The following CASQ2 variants were observed in gnomAD, a reference collection of about 807,000 sequenced individuals.
CASQ2 encodes the protein calsequestrin 2.
A neutral mutation model predicts 46.5 loss-of-function variants in CASQ2; 49 were observed. The observed-to-expected ratio is 1.05, with a 90% CI of 0.84 to 1.34. The LOEUF (loss-of-function observed/expected upper bound fraction) is 1.34. CASQ2 is among the 40% of genes most tolerant of loss of function. CASQ2 has a pLI of 0.00. For synonymous variants in CASQ2, 174 were observed against 168.5 expected (o/e 1.03, Z -0.25); for missense variants, 486 against 481.3 (o/e 1.01, Z -0.09).
At chr1:115,756,490 C>T (rs547370143) in intron 1 of CASQ2, among the ~76,000 whole-genome samples, 2 of 152,352 alleles carry the variant, frequency 1.3e-5, no homozygotes, top group East Asian at 3.9e-4. Context: ...ACCTGTAAAG[C>T]TCAAACTGCC....
chr1:115,765,843 C>T (rs912603602), intron 1 of CASQ2, among the ~76,000 whole-genome samples: 2 of 152,178 alleles, frequency 1.3e-5, no homozygotes, highest in African/African-American at 2.4e-5. Context: ...TCCCCCTACC[C>T]CCTAACAGCC....
At chr1:115,720,183 C>T (rs979360020) in intron 7 of CASQ2, among the ~76,000 whole-genome samples, 4 of 152,132 alleles carry the variant, frequency 2.6e-5, no homozygotes, top group Non-Finnish European at 4.4e-5. Flanking sequence ...ATATCAAAAC[C>T]TGGGTAGCTT....
At chr1:115,744,141 C>CAA (rs71683766) in intron 2 of CASQ2, among the ~76,000 whole-genome samples, 6 of 129,220 alleles carry the variant, frequency 4.6e-5, no homozygotes, top group African/African-American at 1.3e-4. Flanking sequence ...GAACCTGTCT[C>CAA]AAAAAAAAAA....
intron 1 of CASQ2, among the ~76,000 whole-genome samples, chr1:115,750,410 C>T (rs1022655418): frequency 6.6e-6 from 1 of 152,214 alleles, no homozygotes; most frequent in African/African-American, 2.4e-5. Flanking sequence ...TTGGTCAGTG[C>T]TCATTCTTTC....
chr1:115,713,517 A>G (rs1031574742), intron 8 of CASQ2, among the ~76,000 whole-genome samples: 4 of 152,138 alleles, frequency 2.6e-5, no homozygotes, highest in Non-Finnish European at 5.9e-5. Context: ...CCCTGGGTGA[A>G]CTCAAGCTCT....
intron 4 of CASQ2, among the ~76,000 whole-genome samples, chr1:115,736,792 C>T (rs1286383954): frequency 6.6e-6 from 1 of 152,120 alleles, no homozygotes; most frequent in African/African-American, 2.4e-5. Flanking sequence ...TTGCACCTTT[C>T]TGTTCCATCC....
chr1:115,761,951 C>T (rs980024496), intron 1 of CASQ2, among the ~76,000 whole-genome samples: 1 of 152,174 alleles, frequency 6.6e-6, no homozygotes, highest in Admixed American at 6.5e-5. Flanking sequence ...AGAAAGCTTA[C>T]GAGAGATCCC....
chr1:115,716,758 C>T lies in CASQ2; in HGVS notation c.838+1082G>A, dbSNP rs80329319. 9.1e-4 allele frequency among the ~76,000 whole-genome samples: 138 copies of T among 152,324 alleles called. 2 individuals are homozygous for T. The East Asian group carries it at 0.013, about 15-fold the overall frequency. ...GGCAGCAATCGTGAAGCTGGCTTGC[C>T]CTCTGGCCCACTTCTCTTCACTGTG... On this transcript the variant is annotated intron_variant, in intron 8 of 10. Transcript: ENST00000261448.
chr1:115,761,435 G>GTCAAAA (rs1648936815), intron 1 of CASQ2, among the ~76,000 whole-genome samples: 4 of 2,424 alleles, frequency 1.7e-3, no homozygotes, highest in African/African-American at 0.011. Flanking sequence ...AGAAGAAGAA[G>GTCAAAA]AAGAAAGAAG....
At chr1:115,762,906 G>A (rs1399373619) in intron 1 of CASQ2, among the ~76,000 whole-genome samples, 3 of 152,172 alleles carry the variant, frequency 2.0e-5, no homozygotes, top group Non-Finnish European at 4.4e-5. Context: ...GCCATGTATA[G>A]AGGGCTCAGG....
rs139990266 is a variant in CASQ2, at chr1:115,738,011, C to A, written c.532+213G>T. Among the ~76,000 whole-genome samples the A allele has an allele frequency of 1.6e-4, 24 of 152,290 alleles. No homozygotes were observed. In the East Asian group the frequency reaches 4.4e-3, roughly 28 times the overall value. The stretch of plus-strand genomic sequence containing the variant: ...CTCAGCCTGCTTTAAAGCTGGAGAA[C>A]CTGGCCCCTCCTTAATATTCTTGCA... On this transcript the variant is annotated intron_variant, in intron 4 of 10. Transcript: ENST00000261448.
intron 10 of CASQ2, among the ~76,000 whole-genome samples, 174 bp downstream of exon 10, chr1:115,702,747 T>C (rs761654144): frequency 2.0e-4 from 31 of 152,206 alleles, no homozygotes; most frequent in Admixed American, 1.5e-3. Context: ...GAACCACAGA[T>C]TGGGACTGGC....
At position 115,704,447 on chromosome 1, in the gene CASQ2, G is replaced by C. The variant is rs903832057; in HGVS notation, c.939+745C>G. ...GATTATAATAGTACCTACTTCACAG[G>C]GTTGTTGAGAGGATTCGCTGTGATG... is the stretch of plus-strand genomic sequence containing the variant. On this transcript the variant is annotated intron_variant, in intron 9 of 10. Coordinates refer to ENST00000261448, the MANE Select transcript of CASQ2 (RefSeq NM_001232.4). 3.9e-5 allele frequency among the ~76,000 whole-genome samples: 6 copies of C among 152,202 alleles called. No homozygotes were observed. The East Asian group carries it at 7.7e-4, about 20-fold the overall frequency.
At chr1:115,712,577 G>A (rs1203934614) in intron 8 of CASQ2, among the ~76,000 whole-genome samples, 1 of 152,124 alleles carries the variant, frequency 6.6e-6, no homozygotes, top group East Asian at 1.9e-4. Flanking sequence ...TCGGGTTGTT[G>A]CAAAGGTTAA....
At position 115,759,979 on chromosome 1, in the gene CASQ2, G is replaced by C. The variant is rs113329988; in HGVS notation, c.234+8329C>G. On this transcript the variant is annotated intron_variant, in intron 1 of 10. Coordinates refer to ENST00000261448, the MANE Select transcript of CASQ2 (RefSeq NM_001232.4). Reference sequence around the variant, plus strand: ...AATTCAACTAGAAAGATCTCAAATAGGGTAATACTTCTCAAGTCCCAGATC... The same window carrying C: ...AATTCAACTAGAAAGATCTCAAATACGGTAATACTTCTCAAGTCCCAGATC... Among the ~76,000 whole-genome samples the C allele has an allele frequency of 8.5e-5, 13 of 152,308 alleles. 2 individuals carry two copies. The highest frequency in any genetic ancestry group is 2.9e-4 in the African/African-American group (12 of 41,562).
chr1:115,768,433 G>A lies in CASQ2; in HGVS notation c.109C>T (p.Leu37Phe). Residue 37 changes from leucine (L) to phenylalanine (F), a missense_variant, in exon 1 of 11, where the codon CTT (leucine) becomes TTT (phenylalanine). Transcript: ENST00000261448. ...TYDGKDRVVS[L>F]SEKNFKQVLK... Reference sequence around the variant, plus strand: ...ACCTGCTTGAAGTTCTTCTCGGAAAGACTTACCACTCGGTCCTTCCCATCA... The same window carrying A: ...ACCTGCTTGAAGTTCTTCTCGGAAAAACTTACCACTCGGTCCTTCCCATCA... The A allele has an allele frequency of 2.5e-6, 4 of 1,613,732 alleles. No homozygotes were observed. Among genetic ancestry groups the A allele is most frequent in the Non-Finnish European group, 3.4e-6 (4 of 1,179,636 alleles).
At chr1:115,719,647 G>A (rs1199367010) in intron 7 of CASQ2, among the ~76,000 whole-genome samples, 1 of 152,180 alleles carries the variant, frequency 6.6e-6, no homozygotes, top group African/African-American at 2.4e-5. Flanking sequence ...AAGGAAGCAG[G>A]CCAGCGCTAG....
intron 5 of CASQ2, among the ~76,000 whole-genome samples, chr1:115,728,409 A>G (rs370518657): frequency 2.0e-5 from 3 of 152,264 alleles, no homozygotes; most frequent in African/African-American, 7.2e-5. Context: ...TGTCAGGTTA[A>G]TTTTAAGAGA....
intron 9 of CASQ2, 149 bp from the exon 10 acceptor site, chr1:115,703,144 C>A (rs1225552729): frequency 5.7e-6 from 4 of 699,016 alleles, no homozygotes; most frequent in African/African-American, 5.3e-5. Flanking sequence ...AGACTTGGCC[C>A]CAGCCTTCAA....
Sources: gnomAD v4.1 joint callset for allele counts (sites outside exome capture counted in the v4.1 genomes callset) on GRCh38, gnomAD v4.1.1 for gene constraint, MANE v1.5 for transcripts, NCBI Gene and HGNC (gene_info 2026-07-23, HGNC 2026-07-21) for gene names.